SIPA1L1: variants seen among roughly 807,000 people sequenced by gnomAD.
The protein encoded by SIPA1L1 is signal induced proliferation associated 1 like 1, also known as signal-induced proliferation-associated 1-like protein 1.
A neutral mutation model predicts 162.7 loss-of-function variants in SIPA1L1; 26 were observed. That is an observed-to-expected ratio of 0.16 (90% CI 0.12 to 0.22). The LOEUF is 0.22. SIPA1L1 is among the 10% of genes least tolerant of loss of function. The probability of loss-of-function intolerance (pLI) is 1.00; values close to 1 mark genes in which losing one functional copy is unlikely to be tolerated. For missense variants in SIPA1L1, 1,874 were observed against 2,241.0 expected (o/e 0.84, Z 3.31); for synonymous variants, 829 against 837.4 (o/e 0.99, Z 0.17).
At chr14:71,716,428 A>C (rs1005006304) in intron 17 of SIPA1L1, among the ~76,000 whole-genome samples, 1 of 152,182 alleles carries the variant, frequency 6.6e-6, no homozygotes, top group Non-Finnish European at 1.5e-5. Context: ...GCTTCCTGAA[A>C]ATACCATCTT....
At chr14:71,702,247 G>T in intron 14 of SIPA1L1, 134 bp from the exon 15 acceptor site, 1 of 843,564 alleles carries the variant, frequency 1.2e-6, no homozygotes, top group Non-Finnish European at 1.9e-6. Context: ...ACCAGGGTGT[G>T]TATACAAGTA....
chr14:71,640,943 C>A (rs939741345), intron 7 of SIPA1L1, among the ~76,000 whole-genome samples: 2 of 151,990 alleles, frequency 1.3e-5, no homozygotes, highest in African/African-American at 2.4e-5. Context: ...AACTCTAAAA[C>A]TAAAAAACCC....
intron 16 of SIPA1L1, among the ~76,000 whole-genome samples, chr14:71,706,003 G>C (rs946051532): frequency 6.6e-6 from 1 of 152,094 alleles, no homozygotes; most frequent in Non-Finnish European, 1.5e-5. Flanking sequence ...CTGTTCACTG[G>C]AATGTGTATG....
At chr14:71,424,924 C>G (rs1370177399) in intron 2 of SIPA1L1, among the ~76,000 whole-genome samples, 1 of 151,910 alleles carries the variant, frequency 6.6e-6, no homozygotes, top group African/African-American at 2.4e-5. Context: ...TTTTTTATTA[C>G]TGATTTAATC....
intron 2 of SIPA1L1, among the ~76,000 whole-genome samples, chr14:71,479,076 GC>G (rs1206112265): frequency 1.3e-5 from 2 of 152,110 alleles, no homozygotes; most frequent in African/African-American, 4.8e-5. Context: ...ATCCTGGTAT[GC>G]CATGTCTAGC....
At chr14:71,508,419 C>A (rs1267179520) in intron 2 of SIPA1L1, among the ~76,000 whole-genome samples, 1 of 152,184 alleles carries the variant, frequency 6.6e-6, no homozygotes, top group African/African-American at 2.4e-5. Context: ...CACCTCATTA[C>A]TTCTTTATTT....
chr14:71,327,176 G>A (rs1301128623), intron 2 of SIPA1L1, among the ~76,000 whole-genome samples: 7 of 149,248 alleles, frequency 4.7e-5, no homozygotes, highest in East Asian at 4.0e-4. Flanking sequence ...TCTGCCTCCC[G>A]GGTTCAAGCG....
intron 16 of SIPA1L1, among the ~76,000 whole-genome samples, chr14:71,706,546 C>T (rs1597122069): frequency 6.6e-6 from 1 of 152,144 alleles, no homozygotes; most frequent in African/African-American, 2.4e-5. Flanking sequence ...TAAAAGTACT[C>T]AATAGCCACA....
At chr14:71,623,768 T>G (rs995165170) in intron 6 of SIPA1L1, among the ~76,000 whole-genome samples, 1 of 152,264 alleles carries the variant, frequency 6.6e-6, no homozygotes, top group Non-Finnish European at 1.5e-5. Flanking sequence ...TACTGATCTC[T>G]TTAAGGAAAT....
intron 7 of SIPA1L1, among the ~76,000 whole-genome samples, chr14:71,634,849 T>C (rs922259427): frequency 7.3e-5 from 11 of 151,080 alleles, no homozygotes; most frequent in African/African-American, 2.4e-4. Flanking sequence ...GGCAGGAGAA[T>C]GGTGGGTACC....
intron 6 of SIPA1L1, among the ~76,000 whole-genome samples, chr14:71,619,194 A>G (rs566087946): frequency 1.3e-5 from 2 of 152,278 alleles, no homozygotes; most frequent in South Asian, 4.1e-4. Context: ...GATATTGTGT[A>G]TCCTGCTTAG....
chr14:71,657,669 A>G (rs2043180378), intron 8 of SIPA1L1, among the ~76,000 whole-genome samples: 2 of 129,472 alleles, frequency 1.5e-5, no homozygotes, highest in Middle Eastern at 7.3e-3. Flanking sequence ...TTGTTAAATT[A>G]TTGTCTTTTT....
chr14:71,705,316 T>C lies in SIPA1L1; in HGVS notation c.3741T>C (p.His1247=). Residue 1247 remains histidine, a synonymous_variant, in exon 16 of 24, where the codon CAT becomes CAC. Transcript: ENST00000381232. The stretch of plus-strand genomic sequence containing the variant: ...TAATGCGGCAGGATCCAGTGGTTCA[T>C]TTGTCTCCAAACAAACAAGGGCATG... ...GRLMRQDPVV[H]LSPNKQGHSD... is the part of the protein sequence containing the mutation. 3 of 1,613,978 alleles carry C rather than the reference T, an allele frequency of 1.9e-6. 1 individual carries two copies. In the South Asian group the frequency reaches 3.3e-5, roughly 18 times the overall value.
intron 4 of SIPA1L1, among the ~76,000 whole-genome samples, chr14:71,542,915 T>A (rs2054609711): frequency 6.6e-6 from 1 of 152,002 alleles, no homozygotes; most frequent in African/African-American, 2.4e-5. Context: ...ATTCTTAACT[T>A]TGTATGTTTC....
intron 2 of SIPA1L1, among the ~76,000 whole-genome samples, chr14:71,348,595 T>C (rs1379020936): frequency 6.6e-6 from 1 of 152,232 alleles, no homozygotes; most frequent in Non-Finnish European, 1.5e-5. Flanking sequence ...ATTAGATGTA[T>C]GTCTAAGAGT....
intron 8 of SIPA1L1, among the ~76,000 whole-genome samples, chr14:71,657,751 G>A (rs1268146057): frequency 6.7e-6 from 1 of 150,308 alleles, no homozygotes; most frequent in Non-Finnish European, 1.5e-5. Flanking sequence ...CTAACTTGAT[G>A]TGTCGACAGA....
intron 2 of SIPA1L1, among the ~76,000 whole-genome samples, chr14:71,383,023 A>T (rs7152842): frequency 1.3e-5 from 2 of 151,978 alleles, no homozygotes; most frequent in African/African-American, 4.8e-5. Context: ...GTCTTACTAG[A>T]TGGGACTTGA....
chr14:71,454,541 C>T (rs2046053264), intron 2 of SIPA1L1, among the ~76,000 whole-genome samples: 1 of 152,056 alleles, frequency 6.6e-6, no homozygotes, highest in Non-Finnish European at 1.5e-5. Context: ...AATACCATAG[C>T]AGCAAAGAGG....
At chr14:71,467,039 A>G (rs2142063567) in intron 2 of SIPA1L1, 1 of 152,302 alleles carries the variant, frequency 6.6e-6, no homozygotes, top group South Asian at 2.1e-4. Context: ...AGTTTTCAAC[A>G]TTTCTAGAGA....
Sources: allele counts gnomAD v4.1 joint callset (sites outside exome capture counted in the v4.1 genomes callset), GRCh38; gene constraint gnomAD v4.1.1; transcripts MANE v1.5; gene names NCBI Gene and HGNC (gene_info 2026-07-23, HGNC 2026-07-21).